CADM1: variants seen among roughly 807,000 people sequenced by gnomAD.
CADM1 encodes TSLC-1.
A neutral mutation model predicts 53.1 loss-of-function variants in CADM1; 15 were observed. The ratio of observed to expected loss-of-function variants is 0.28; its 90% CI spans 0.19 to 0.44. The LOEUF (loss-of-function observed/expected upper bound fraction) is 0.44, where lower values mean the gene tolerates loss of function less well. CADM1 is among the 20% of genes least tolerant of loss of function. The probability of loss-of-function intolerance (pLI) is 1.00; values close to 1 mark genes in which losing one functional copy is unlikely to be tolerated. For synonymous variants in CADM1, 281 were observed against 243.0 expected, an observed-to-expected ratio of 1.16 and a Z score of -1.45; for missense variants, 434 against 611.3, an observed-to-expected ratio of 0.71 and a Z score of 3.06.
At chr11:115,273,517 T>C (rs959187694) in intron 1 of CADM1, among the ~76,000 whole-genome samples, 2 of 152,196 alleles carry the variant, frequency 1.3e-5, no homozygotes, top group Non-Finnish European at 2.9e-5. Context: ...AACCCACTGA[T>C]CTTTGTTACT....
At chr11:115,353,958 A>C (rs1945799800) in intron 1 of CADM1, among the ~76,000 whole-genome samples, 1 of 152,206 alleles carries the variant, frequency 6.6e-6, no homozygotes, top group Admixed American at 6.5e-5. Flanking sequence ...CAGACTGTGA[A>C]CCGAAGCAGT....
At position 115,460,025 on chromosome 11, in the gene CADM1, C is replaced by A. The variant is rs76833649; in HGVS notation, c.124+44246G>T. Among the ~76,000 whole-genome samples, 773 of 152,234 alleles carry A rather than the reference C, an allele frequency of 5.1e-3. 6 individuals are homozygous for A. Among genetic ancestry groups the A allele is most frequent in the African/African-American group, 0.018 (738 of 41,540 alleles). Reference sequence around the variant, plus strand: ...GAAAATGTACTTAGGTGCTTTGGAACCTGCAAAGCAGATCTGAACACCTAG... The same window carrying A: ...GAAAATGTACTTAGGTGCTTTGGAAACTGCAAAGCAGATCTGAACACCTAG... On this transcript the variant is annotated intron_variant, in intron 1 of 11. Transcript: ENST00000331581.
intron 1 of CADM1, among the ~76,000 whole-genome samples, chr11:115,436,822 G>A (rs754400803): frequency 6.6e-6 from 1 of 152,164 alleles, no homozygotes; most frequent in Non-Finnish European, 1.5e-5. Flanking sequence ...CTGGAATGCA[G>A]CAATAGTGTA....
At chr11:115,286,653 AACTGGG>A (rs1259453787) in intron 1 of CADM1, among the ~76,000 whole-genome samples, 1 of 152,226 alleles carries the variant, frequency 6.6e-6, no homozygotes, top group Non-Finnish European at 1.5e-5. Context: ...AACAGAACCC[AACTGGG>A]GTAAAACATA....
At chr11:115,485,231 G>A (rs1949348178) in intron 1 of CADM1, among the ~76,000 whole-genome samples, 1 of 151,914 alleles carries the variant, frequency 6.6e-6, no homozygotes, top group African/African-American at 2.4e-5. Context: ...GTCCTTTCTG[G>A]CATTCATCAC....
At chr11:115,468,597 T>C (rs1040998540) in intron 1 of CADM1, among the ~76,000 whole-genome samples, 9 of 152,278 alleles carry the variant, frequency 5.9e-5, no homozygotes, top group Middle Eastern at 6.8e-3. Context: ...AAAGGGTCTA[T>C]GGATAATGGA....
At chr11:115,318,015 C>CACACACACACAA (rs1944719074) in intron 1 of CADM1, among the ~76,000 whole-genome samples, 1 of 139,490 alleles carries the variant, frequency 7.2e-6, no homozygotes, top group African/African-American at 2.6e-5. Context: ...CACACACACA[C>CACACACACACAA]AATAAAAGTA....
chr11:115,401,582 T>G (rs890957757), intron 1 of CADM1, among the ~76,000 whole-genome samples: 1 of 151,812 alleles, frequency 6.6e-6, no homozygotes, highest in Non-Finnish European at 1.5e-5. Flanking sequence ...TACTCCAGCC[T>G]AGGTGACAGA....
intron 1 of CADM1, among the ~76,000 whole-genome samples, chr11:115,482,448 TAC>T (rs760354215): frequency 4.6e-5 from 7 of 152,124 alleles, no homozygotes; most frequent in Non-Finnish European, 7.4e-5. Flanking sequence ...CACAAACACA[TAC>T]ACACACAGAC....
intron 1 of CADM1, among the ~76,000 whole-genome samples, chr11:115,389,438 T>G (rs1946779314): frequency 6.6e-6 from 1 of 152,214 alleles, no homozygotes; most frequent in Non-Finnish European, 1.5e-5. Flanking sequence ...TGCAAAGATA[T>G]TTGTCAAAGC....
At chr11:115,205,321 A>C (rs1940624404) in intron 8 of CADM1, among the ~76,000 whole-genome samples, 1 of 152,172 alleles carries the variant, frequency 6.6e-6, no homozygotes. Context: ...TTACAGGAAA[A>C]AGTTTGATCC....
At position 115,419,006 on chromosome 11, in the gene CADM1, G is replaced by C. The variant is rs145922491; in HGVS notation, c.124+85265C>G. Among the ~76,000 whole-genome samples the C allele has an allele frequency of 1.7e-3, 260 of 152,320 alleles. 2 individuals are homozygous for C. The highest frequency in any genetic ancestry group is 5.9e-3 in the African/African-American group (246 of 41,586). ...TGTTAATTGGGTCCCATAAATGAAT[G>C]CACACTGAAGGTTTTTTTGAAGACA... On this transcript the variant is annotated intron_variant, in intron 1 of 11. Transcript: ENST00000331581.
chr11:115,295,817 C>A (rs1157817704), intron 1 of CADM1, among the ~76,000 whole-genome samples: 1 of 151,896 alleles, frequency 6.6e-6, no homozygotes, highest in Admixed American at 6.6e-5. Flanking sequence ...TGTTTCTATG[C>A]TTTATCTAAT....
At chr11:115,181,384 G>A (rs1039063830) in intron 10 of CADM1, among the ~76,000 whole-genome samples, 1 of 152,058 alleles carries the variant, frequency 6.6e-6, no homozygotes, top group Non-Finnish European at 1.5e-5. Context: ...TAGAACCTTA[G>A]ATGTTCTAGT....
chr11:115,181,772 G>C (rs898126742), intron 10 of CADM1, among the ~76,000 whole-genome samples: 3 of 152,144 alleles, frequency 2.0e-5, no homozygotes, highest in Non-Finnish European at 4.4e-5. Context: ...TGGGGAGGGT[G>C]GGGGAGTGTT....
At chr11:115,307,575 G>A (rs1209124969) in intron 1 of CADM1, among the ~76,000 whole-genome samples, 4 of 151,002 alleles carry the variant, frequency 2.6e-5, no homozygotes, top group Non-Finnish European at 5.9e-5. Flanking sequence ...TGCCAAGGTT[G>A]ACAGTGATCT....
chr11:115,322,292 G>A (rs1011078929), intron 1 of CADM1, among the ~76,000 whole-genome samples: 1 of 152,190 alleles, frequency 6.6e-6, no homozygotes, highest in Non-Finnish European at 1.5e-5. Context: ...GCAAGGCATT[G>A]TGTTTAGCAT....
chr11:115,196,410 A>T, intron 9 of CADM1, among the ~76,000 whole-genome samples: 1 of 152,096 alleles, frequency 6.6e-6, no homozygotes, highest in East Asian at 1.9e-4. Flanking sequence ...AGGGACCTAG[A>T]AAATAGAATT....
intron 1 of CADM1, among the ~76,000 whole-genome samples, chr11:115,433,390 C>T (rs1948104748): frequency 6.6e-6 from 1 of 152,166 alleles, no homozygotes; most frequent in Non-Finnish European, 1.5e-5. Flanking sequence ...CCAAAGGGAG[C>T]TCAAAGTCAA....
Sources: allele counts gnomAD v4.1 joint callset (sites outside exome capture counted in the v4.1 genomes callset), GRCh38; gene constraint gnomAD v4.1.1; transcripts MANE v1.5; gene names NCBI Gene and HGNC (gene_info 2026-07-23, HGNC 2026-07-21).